ARHGAP22: variants seen among roughly 807,000 people sequenced by gnomAD.
The protein encoded by ARHGAP22 is rho GTPase-activating protein 22.
ARHGAP22 carries 48 observed loss-of-function variants against 59.1 expected under a neutral mutation model. The ratio of observed to expected loss-of-function variants is 0.81; its 90% CI spans 0.64 to 1.03. ARHGAP22 has a LOEUF of 1.03. Ranked by LOEUF, ARHGAP22 falls within the 50% of genes least tolerant of loss-of-function variation. The pLI is 0.00. For synonymous variants in ARHGAP22, 445 were observed against 416.4 expected, an observed-to-expected ratio of 1.07 and a Z score of -0.84; for missense variants, 1,015 against 958.7, an observed-to-expected ratio of 1.06 and a Z score of -0.78.
At chr10:48,480,407 G>C (rs2049180859) in intron 3 of ARHGAP22, among the ~76,000 whole-genome samples, 1 of 152,234 alleles carries the variant, frequency 6.6e-6, no homozygotes, top group African/African-American at 2.4e-5. Context: ...TCATGTGTAA[G>C]CAAATTGATC....
chr10:48,508,265 C>A (rs940144891), intron 3 of ARHGAP22, among the ~76,000 whole-genome samples: 1 of 152,258 alleles, frequency 6.6e-6, no homozygotes, highest in African/African-American at 2.4e-5. Context: ...GGTATAACAG[C>A]CTCACCACTG....
chr10:48,648,836 A>G (rs1288921955), intron 1 of ARHGAP22, among the ~76,000 whole-genome samples: 3 of 152,140 alleles, frequency 2.0e-5, no homozygotes, highest in African/African-American at 7.2e-5. Context: ...GTGCCAGAGG[A>G]GGGCAGGCAG....
chr10:48,439,353 T>A, the ARHGAP22 span: 2 of 151,270 alleles, frequency 1.3e-5, no homozygotes, highest in African/African-American at 4.9e-5. Context: ...GGTATGAAAA[T>A]TATGAAATTA....
rs770740533 is a variant in ARHGAP22 at position 48,583,074 on chromosome 10, A to T, written c.113T>A (p.Val38Glu). The T allele has an allele frequency of 6.2e-7, 1 of 1,614,276 alleles. No individual in the cohort carries two copies. Among genetic ancestry groups the T allele is most frequent in the Non-Finnish European group, 8.5e-7 (1 of 1,180,054 alleles). The change falls in exon 2 of 10, where the codon GTG (valine) becomes GAG (glutamate). Residue 38 changes from valine to glutamate, a missense_variant. Coordinates refer to ENST00000249601, the MANE Select transcript of ARHGAP22 (RefSeq NM_021226.4). ...RMPCPHRLGP[V>E]LKAGWLKKQR... ...CTTCTTCAGCCAGCCCGCCTTCAGC[A>T]CGGGGCCCAGCCTGTGAGGGCACGG...
chr10:48,524,693 C>T (rs969136540), intron 3 of ARHGAP22, among the ~76,000 whole-genome samples: 25 of 152,258 alleles, frequency 1.6e-4, no homozygotes, highest in Non-Finnish European at 3.5e-4. Context: ...CTCACCTGTA[C>T]TGTGCAGTAG....
At chr10:48,462,517 C>T (rs547335593) in intron 4 of ARHGAP22, among the ~76,000 whole-genome samples, 1 of 152,306 alleles carries the variant, frequency 6.6e-6, no homozygotes, top group African/African-American at 2.4e-5. Context: ...AACGGTCCAA[C>T]CCAGGCAGTC....
chr10:48,520,660 AG>A (rs2053719337), intron 3 of ARHGAP22, among the ~76,000 whole-genome samples: 1 of 152,162 alleles, frequency 6.6e-6, no homozygotes, highest in Non-Finnish European at 1.5e-5. Flanking sequence ...CAACTCAGGC[AG>A]GTTTATGGGC....
At chr10:48,577,662 C>A (rs966421856) in intron 2 of ARHGAP22, among the ~76,000 whole-genome samples, 1 of 150,984 alleles carries the variant, frequency 6.6e-6, no homozygotes, top group Non-Finnish European at 1.5e-5. Context: ...CAAGAAAGGG[C>A]CAGAGTCCCC....
chr10:48,600,962 C>T (rs2060345883), intron 1 of ARHGAP22, among the ~76,000 whole-genome samples: 1 of 152,168 alleles, frequency 6.6e-6, no homozygotes, highest in Admixed American at 6.5e-5. Context: ...CTGGATGCAC[C>T]CTTCCATGAG....
At chr10:48,442,822 G>T (rs2045234007), downstream of ARHGAP22, among the ~76,000 whole-genome samples, 1 of 152,236 alleles carries the variant, frequency 6.6e-6, no homozygotes, top group Non-Finnish European at 1.5e-5. Flanking sequence ...GCTGCTGCTG[G>T]TTTACTAAAC....
intron 7 of ARHGAP22, 56 bp from the exon 8 acceptor site, chr10:48,453,481 C>T (rs1002107150): frequency 4.4e-6 from 7 of 1,607,518 alleles, no homozygotes; most frequent in Admixed American, 3.3e-5. Context: ...GCCCAGTCTC[C>T]TGTGTGCGGC....
chr10:48,476,901 C>T (rs2048807353), intron 4 of ARHGAP22, among the ~76,000 whole-genome samples: 1 of 152,254 alleles, frequency 6.6e-6, no homozygotes, highest in African/African-American at 2.4e-5. Flanking sequence ...TCCACCTCCA[C>T]TTCTCAGTTC....
chr10:48,523,532 G>T (rs1259032563), intron 3 of ARHGAP22, among the ~76,000 whole-genome samples: 2 of 152,196 alleles, frequency 1.3e-5, no homozygotes, highest in African/African-American at 4.8e-5. Flanking sequence ...AGGTTCCGCC[G>T]CGAGTTTTGG....
In ARHGAP22 at chr10:48,446,169, C is replaced by A. The variant is rs534261702; in HGVS notation, c.*222G>T. ...TAAGCGCTACTCTTGGTACCGTCCC[C>A]TTCTGACCCTCACCAGGAACTGCAT... is the stretch of plus-strand genomic sequence containing the variant. On this transcript the variant is annotated 3_prime_UTR_variant, in exon 10 of 10. Coordinates refer to ENST00000249601, the MANE Select transcript of ARHGAP22 (RefSeq NM_021226.4). 136 of 595,794 alleles carry A rather than the reference C, an allele frequency of 2.3e-4. 1 individual carries two copies. Among genetic ancestry groups the A allele is most frequent in the Middle Eastern group, 1.8e-3 (4 of 2,234 alleles). The allele number at this position is 595,794 out of a possible 1,614,324, so 36.9% of individuals were successfully genotyped here.
At chr10:48,435,119 G>A in the ARHGAP22 span, 1 of 1,038,570 alleles carries the variant, frequency 9.6e-7, no homozygotes, top group Non-Finnish European at 1.3e-6. Context: ...TCTTATTTTT[G>A]GGTGATTTTT....
chr10:48,469,629 C>T (rs1422810211), intron 4 of ARHGAP22, among the ~76,000 whole-genome samples: 3 of 152,188 alleles, frequency 2.0e-5, no homozygotes, highest in East Asian at 1.9e-4. Context: ...GATGAGCTTA[C>T]CCTGGAGGTG....
At chr10:48,607,463 C>T (rs2060719517), upstream of ARHGAP22, among the ~76,000 whole-genome samples, 1 of 152,146 alleles carries the variant, frequency 6.6e-6, no homozygotes, top group South Asian at 2.1e-4. Flanking sequence ...GATGAAGGGT[C>T]CACAGAGGCA....
intron 3 of ARHGAP22, among the ~76,000 whole-genome samples, chr10:48,533,698 G>A (rs925120451): frequency 3.9e-5 from 6 of 152,188 alleles, no homozygotes; most frequent in African/African-American, 7.2e-5. Context: ...ATCAACCATC[G>A]ACACTACGTA....
At chr10:48,496,171 A>G (rs2050906346) in intron 3 of ARHGAP22, among the ~76,000 whole-genome samples, 1 of 152,168 alleles carries the variant, frequency 6.6e-6, no homozygotes, top group South Asian at 2.1e-4. Flanking sequence ...TGATGTAGCA[A>G]AGGTGATGTA....
Sources: allele counts gnomAD v4.1 joint callset (sites outside exome capture counted in the v4.1 genomes callset), GRCh38; gene constraint gnomAD v4.1.1; transcripts MANE v1.5; gene names NCBI Gene and HGNC (gene_info 2026-07-23, HGNC 2026-07-21).